Variants in TMPRSS15 observed in about 807,000 individuals in gnomAD.
TMPRSS15 encodes transmembrane serine protease 15, also known as enteropeptidase.
TMPRSS15 carries 128 observed loss-of-function variants against 125.3 expected under a neutral mutation model. The ratio of observed to expected loss-of-function variants is 1.02; its 90% CI spans 0.89 to 1.18. TMPRSS15 has a LOEUF of 1.18. Among genes scored for constraint, TMPRSS15 ranks in the 50% most tolerant of loss-of-function variants. The pLI, the probability that TMPRSS15 is intolerant of heterozygous loss-of-function variation, is 0.00. For synonymous variants in TMPRSS15, 446 were observed against 423.2 expected, an observed-to-expected ratio of 1.05 and a Z score of -0.66; for missense variants, 1,283 against 1,212.7, an observed-to-expected ratio of 1.06 and a Z score of -0.86.
At chr21:18,408,522 G>A (rs1055914310), upstream of TMPRSS15, among the ~76,000 whole-genome samples, 2 of 152,066 alleles carry the variant, frequency 1.3e-5, no homozygotes, top group African/African-American at 4.8e-5. Context: ...AGGATTGATG[G>A]TTCCAAGTTG....
chr21:18,449,510 T>A (rs1387787028), intron 1 of TMPRSS15, among the ~76,000 whole-genome samples: 2 of 152,134 alleles, frequency 1.3e-5, no homozygotes, highest in African/African-American at 2.4e-5. Flanking sequence ...CCAATGCTAT[T>A]ACTTACTGGT....
rs117398702 is a variant in TMPRSS15, at chr21:18,440,556, G to C, written c.11-42227C>G. On this transcript the variant is annotated intron_variant, in intron 1 of 7. Coordinates refer to the TMPRSS15 transcript ENST00000422787. ...TCATATGTGATGATCAGGATGAATT[G>C]TAGGATCATATGGCTTATTTTTCAT... Among the ~76,000 whole-genome samples the C allele has an allele frequency of 4.0e-3, 608 of 151,960 alleles. 16 individuals carry two copies. In the East Asian group the frequency reaches 0.074, roughly 18 times the overall value.
At chr21:18,440,185 T>C (rs558826773) in intron 1 of TMPRSS15, among the ~76,000 whole-genome samples, 2 of 151,442 alleles carry the variant, frequency 1.3e-5, no homozygotes, top group East Asian at 3.9e-4. Context: ...CCATCCTGGC[T>C]AACACGGTGA....
chr21:18,392,014 C>G (rs913055101), intron 3 of TMPRSS15, among the ~76,000 whole-genome samples: 1 of 152,172 alleles, frequency 6.6e-6, no homozygotes, highest in African/African-American at 2.4e-5. Context: ...ACGCAGGGCA[C>G]CAAGCCCCAA....
In TMPRSS15 at chr21:18,419,344, G is replaced by C. The variant is rs1051723968; in HGVS notation, c.11-21015C>G. On this transcript the variant is annotated intron_variant, in intron 1 of 7. Coordinates refer to the TMPRSS15 transcript ENST00000422787. ...GGGTTCACGCCATTCTCCTGCCTCA[G>C]CCTCCTGAGTAGCTGGGACTACAGG... Among the ~76,000 whole-genome samples the C allele has an allele frequency of 7.4e-5, 11 of 149,004 alleles. No individual in the cohort carries two copies. In the East Asian group the frequency reaches 2.3e-3, roughly 31 times the overall value.
rs1181256017 is a variant in TMPRSS15 at position 18,269,747 on chromosome 21, C to T, written c.*222G>A. 2 of 490,760 alleles carry T rather than the reference C, an allele frequency of 4.1e-6. No homozygotes were observed. Among genetic ancestry groups the T allele is most frequent in the Non-Finnish European group, 7.3e-6 (2 of 275,004 alleles). The allele number at this position is 490,760 out of a possible 1,614,324, so 30.4% of individuals were successfully genotyped here. A position where few individuals can be genotyped will look rare whatever the true frequency, so the allele number is the denominator to read the frequency against. On this transcript the variant is annotated 3_prime_UTR_variant, in exon 25 of 25. Coordinates refer to ENST00000284885, the MANE Select transcript of TMPRSS15 (RefSeq NM_002772.3). ...AGAAATACCTGTTCACAATGAAATA[C>T]AAATGTATTTAATGGTATTTTAAAG... is the stretch of plus-strand genomic sequence containing the variant.
chr21:18,274,823 TTG>T (rs2074600874), intron 24 of TMPRSS15, among the ~76,000 whole-genome samples: 1 of 152,050 alleles, frequency 6.6e-6, no homozygotes, highest in Non-Finnish European at 1.5e-5. Context: ...CTGTTTTTGT[TTG>T]TTTGTTTGTT....
intron 13 of TMPRSS15, among the ~76,000 whole-genome samples, chr21:18,335,250 C>A (rs2075380857): frequency 6.6e-6 from 1 of 152,162 alleles, no homozygotes; most frequent in Non-Finnish European, 1.5e-5. Context: ...TCCTATTTCA[C>A]AAATTTAGCA....
chr21:18,341,317 T>C lies in TMPRSS15; in HGVS notation c.1564+96A>G, dbSNP rs2075443331. On this transcript the variant is annotated intron_variant, in intron 13 of 24. Coordinates refer to ENST00000284885, the MANE Select transcript of TMPRSS15 (RefSeq NM_002772.3). ...AACTCCTGGCTTCAAGCAATCCTCC[T>C]GCTTCAGCCTCCCGAAGTGCTGGAA... 1.1e-5 allele frequency: 16 copies of C among 1,490,410 alleles called. 2 individuals are homozygous for C. The South Asian group carries it at 1.7e-4, about 16-fold the overall frequency. The allele number at this position is 1,490,410 out of a possible 1,614,324, so 92.3% of individuals were successfully genotyped here.
At position 18,281,169 on chromosome 21, in the gene TMPRSS15, A is replaced by G. The variant is rs139897792; in HGVS notation, c.2539T>C (p.Ser847Pro). ...WTAILGLHMK[S>P]NLTSPQTVPR... ...ACTGTTTGAGGAGAGGTCAGATTTG[A>G]TTTCATATGCAGGCCTAGGATTGCT... Residue 847 changes from serine to proline, a missense_variant, in exon 22 of 25, where the codon TCA (serine) becomes CCA (proline). By Grantham distance (74) the Ser-to-Pro change is moderately conservative. Transcript: ENST00000284885. 152 of 1,614,032 alleles carry G rather than the reference A, an allele frequency of 9.4e-5. 1 individual carries two copies. The African/African-American group carries it at 1.9e-3, about 20-fold the overall frequency.
At chr21:18,302,701 T>C (rs928072369) in intron 18 of TMPRSS15, among the ~76,000 whole-genome samples, 3 of 152,192 alleles carry the variant, frequency 2.0e-5, no homozygotes, top group Non-Finnish European at 4.4e-5. Context: ...CTGGTAGCTA[T>C]TCTCTGTTAT....
intron 1 of TMPRSS15, among the ~76,000 whole-genome samples, chr21:18,412,544 T>C (rs2252042): frequency 0.65 from 99,507 of 152,074 alleles, 32,821 homozygotes; most frequent in Middle Eastern, 0.75. Flanking sequence ...TTTTAGCCAC[T>C]ATCCAAATAA....
At chr21:18,460,322 A>C (rs1050634850) in intron 1 of TMPRSS15, among the ~76,000 whole-genome samples, 1 of 151,808 alleles carries the variant, frequency 6.6e-6, no homozygotes. Context: ...GTTGCTCATA[A>C]GTTTTATTCT....
At chr21:18,430,967 C>T (rs2076215521) in intron 1 of TMPRSS15, among the ~76,000 whole-genome samples, 1 of 152,182 alleles carries the variant, frequency 6.6e-6, no homozygotes, top group South Asian at 2.1e-4. Context: ...AAACTCTACA[C>T]ATGTTAGTTT....
chr21:18,417,352 G>A (rs927884723), intron 1 of TMPRSS15, among the ~76,000 whole-genome samples: 1 of 151,918 alleles, frequency 6.6e-6, no homozygotes, highest in Admixed American at 6.6e-5. Context: ...AAAACATTCT[G>A]CCACAGCAAA....
chr21:18,423,312 T>C (rs2076196024), intron 1 of TMPRSS15, among the ~76,000 whole-genome samples: 1 of 152,182 alleles, frequency 6.6e-6, no homozygotes, highest in South Asian at 2.1e-4. Context: ...GATTCCTTGT[T>C]AGTGACCTTT....
intron 8 of TMPRSS15, among the ~76,000 whole-genome samples, chr21:18,355,118 C>A (rs190936496): frequency 6.6e-6 from 1 of 151,888 alleles, no homozygotes; most frequent in Non-Finnish European, 1.5e-5. Flanking sequence ...GCTACGGCAG[C>A]ATGCATACCT....
At chr21:18,316,057 G>C (rs530732549) in intron 16 of TMPRSS15, among the ~76,000 whole-genome samples, 15 of 151,596 alleles carry the variant, frequency 9.9e-5, no homozygotes, top group African/African-American at 3.6e-4. Flanking sequence ...ATAAACATGA[G>C]TCCTTTGCCA....
At chr21:18,384,878 A>G (rs1050346860) in intron 3 of TMPRSS15, among the ~76,000 whole-genome samples, 1 of 152,142 alleles carries the variant, frequency 6.6e-6, no homozygotes, top group African/African-American at 2.4e-5. Context: ...CTCTCCATCT[A>G]TCTATCTTGA....
Sources: gnomAD v4.1 joint callset for allele counts (sites outside exome capture counted in the v4.1 genomes callset) on GRCh38, gnomAD v4.1.1 for gene constraint, MANE v1.5 for transcripts, NCBI Gene and HGNC (gene_info 2026-07-23, HGNC 2026-07-21) for gene names.